The following SLC22A17 variants were observed in gnomAD, a reference collection of about 807,000 sequenced individuals.
SLC22A17 encodes the protein 24p3 receptor.
In SLC22A17, 38 loss-of-function variants were observed where a neutral mutation model predicts 53.6. The observed-to-expected ratio is 0.71, with a 90% CI of 0.55 to 0.93. The LOEUF is 0.93. Among genes scored for constraint, SLC22A17 ranks in the 40% least tolerant of loss-of-function variants. The pLI is 0.00. For missense variants in SLC22A17, 704 were observed against 791.0 expected (o/e 0.89, Z 1.32); for synonymous variants, 379 against 353.0 (o/e 1.07, Z -0.82).
Position 23,348,594 on chromosome 14 carries a change from G to C in SLC22A17, c.937C>G (p.Leu313Val), listed in dbSNP as rs1295049070. 2 of 1,614,132 alleles carry C rather than the reference G, an allele frequency of 1.2e-6. No individual in the cohort carries two copies. Among genetic ancestry groups the C allele is most frequent in the Non-Finnish European group, 8.5e-7 (1 of 1,180,002 alleles). The change falls in exon 5 of 10, where the codon CTG becomes GTG. Residue 313 changes from leucine (L) to valine (V), a missense_variant. By Grantham distance (32) the Leu-to-Val change is conservative. Around this residue, in one of 4 missense-constraint regions of SLC22A17, gnomAD observed 435 missense variants for 529.0 expected, o/e 0.82. Coordinates refer to ENST00000397267, the Ensembl canonical transcript of SLC22A17. This position sits in a 1 kb window ranked among gnomAD's most constrained non-coding sequence, Gnocchi z 4.5. ...GAGACAAGGGCCAGGCCCAGGAACA[G>C]GAAGTGCCCTCCCACCCCCACCAAC...
intron 3 of SLC22A17, among the ~76,000 whole-genome samples, chr14:23,350,385 T>C (rs1214540020): frequency 1.3e-5 from 2 of 152,118 alleles, no homozygotes; most frequent in Non-Finnish European, 2.9e-5. Context: ...ATCCATAAGG[T>C]AGGACTATTG....
chr14:23,352,628 TG>T lies in SLC22A17; in HGVS notation c.96+17del. On this transcript the variant is annotated intron_variant, in intron 1 of 9. Transcript: ENST00000397267. This position sits in a 1 kb window ranked among gnomAD's most constrained non-coding sequence, Gnocchi z 7.2. ...GCTGGGAGAGGATGGCGTCGCCACC[TG>T]GGGCTCGGGCACTTACTCCGTTGGA... The T allele has an allele frequency of 2.4e-6, 1 of 410,808 alleles. No homozygotes were observed. Among genetic ancestry groups the T allele is most frequent in the Non-Finnish European group, 4.3e-6 (1 of 234,904 alleles). The allele number at this position is 410,808 out of a possible 1,614,324, so 25.4% of individuals were successfully genotyped here.
chr14:23,348,589 G>C lies in SLC22A17; in HGVS notation c.942C>G (p.Phe314Leu). Residue 314 changes from phenylalanine (F) to leucine (L), a missense_variant, in exon 5 of 10, where the codon TTC becomes TTG. Phe to Leu is a conservative substitution (Grantham distance 22). This residue lies in a region of SLC22A17 where 435 missense variants were observed against 529.0 expected (regional missense o/e 0.82). Transcript: ENST00000397267. This position sits in a 1 kb window ranked among gnomAD's most constrained non-coding sequence, Gnocchi z 4.5. Reference sequence around the variant, plus strand: ...CCTTAGAGACAAGGGCCAGGCCCAGGAACAGGAAGTGCCCTCCCACCCCCA... The same window carrying C: ...CCTTAGAGACAAGGGCCAGGCCCAGCAACAGGAAGTGCCCTCCCACCCCCA... 6.2e-7 allele frequency: 1 copy of C among 1,614,140 alleles called. No homozygotes were observed. Among genetic ancestry groups the C allele is most frequent in the Non-Finnish European group, 8.5e-7 (1 of 1,180,008 alleles).
chr14:23,351,499 G>A (rs1358215701), intron 3 of SLC22A17: 2 of 448,166 alleles, frequency 4.5e-6, no homozygotes, highest in East Asian at 4.0e-5. Context: ...CACGGATAGG[G>A]GGCCACTAAT....
intron 3 of SLC22A17, 83 bp downstream of exon 3, chr14:23,351,669 C>T: frequency 8.4e-7 from 1 of 1,188,172 alleles, no homozygotes; most frequent in South Asian, 1.3e-5. Flanking sequence ...TCGTCTTCGA[C>T]CTCCTGTAAA....
rs765436463 is a variant in SLC22A17 at position 23,348,316 on chromosome 14, G to A, written c.1026-10C>T. The A allele has an allele frequency of 1.2e-6, 2 of 1,613,206 alleles. No individual in the cohort carries two copies. Among genetic ancestry groups the A allele is most frequent in the African/African-American group, 2.7e-5 (2 of 74,894 alleles). On this transcript the variant is annotated splice_polypyrimidine_tract_variant and intron_variant, in intron 5 of 9. Coordinates refer to ENST00000397267, the Ensembl canonical transcript of SLC22A17. This position sits in a 1 kb window ranked among gnomAD's most constrained non-coding sequence, Gnocchi z 4.5. Reference sequence around the variant, plus strand: ...GAACAAACCAGGCCAGCTGGGGGCAGGGGGGAAGGGGTATACTGTGAGGCC... The same window carrying A: ...GAACAAACCAGGCCAGCTGGGGGCAAGGGGGAAGGGGTATACTGTGAGGCC...
Position 23,348,104 on chromosome 14 carries a change from G to A in SLC22A17, c.1171+57C>T. On this transcript the variant is annotated intron_variant, in intron 6 of 9. Transcript: ENST00000397267. This position sits in a 1 kb window ranked among gnomAD's most constrained non-coding sequence, Gnocchi z 4.5. ...AAGGTGGCACAGCTACAGCCATGCA[G>A]AGGGCACCATCATGTGTGCAAGTGA... The A allele has an allele frequency of 6.2e-7, 1 of 1,610,796 alleles. No individual in the cohort carries two copies. The highest frequency in any genetic ancestry group is 8.5e-7 in the Non-Finnish European group (1 of 1,177,640).
exon 10 of SLC22A17, chr14:23,346,499 G>A (rs1889182702): frequency 2.0e-6 from 2 of 988,876 alleles, no homozygotes; most frequent in African/African-American, 1.6e-5. Flanking sequence ...AGGAGGCAGG[G>A]TGGGGACGGC....
chr14:23,347,321 C>T lies in SLC22A17; in HGVS notation c.1550-109G>A. Reference sequence around the variant, plus strand: ...GTTCCCATGGCTCTAGCTGGGCAGGCTCTGGGCATTCAGTAATTGACTGGG... The same window carrying T: ...GTTCCCATGGCTCTAGCTGGGCAGGTTCTGGGCATTCAGTAATTGACTGGG... On this transcript the variant is annotated intron_variant, in intron 8 of 9. Coordinates refer to ENST00000397267, the Ensembl canonical transcript of SLC22A17. This position sits in a 1 kb window ranked among gnomAD's most constrained non-coding sequence, Gnocchi z 5.1. 10 of 1,473,538 alleles carry T rather than the reference C, an allele frequency of 6.8e-6. No individual in the cohort carries two copies. Among genetic ancestry groups the T allele is most frequent in the Non-Finnish European group, 9.2e-6 (10 of 1,089,250 alleles). The allele number at this position is 1,473,538 out of a possible 1,614,324, so 91.3% of individuals were successfully genotyped here.
In SLC22A17 at chr14:23,352,380, C is replaced by T; in HGVS notation, c.168G>A (p.Gly56=). The T allele has an allele frequency of 2.8e-6, 2 of 711,868 alleles. No individual in the cohort carries two copies. The highest frequency in any genetic ancestry group is 3.4e-5 in the East Asian group (1 of 29,794). The allele number at this position is 711,868 out of a possible 1,614,324, so 44.1% of individuals were successfully genotyped here. ...GTCCGTCGCCGCCCGCGTCTCCCTC[C>T]CCCTCCCGCTCGCGCTCCCGCTCAC... The change falls in exon 2 of 10, where the codon GGG becomes GGA. Residue 56 remains glycine (G), a synonymous_variant. Transcript: ENST00000397267. The surrounding 1 kb of genome is among the most constrained non-coding windows in gnomAD (Gnocchi z 7.2).
chr14:23,349,546 G>A, intron 3 of SLC22A17, 120 bp from the exon 4 acceptor site: 1 of 1,217,766 alleles, frequency 8.2e-7, no homozygotes, highest in South Asian at 1.6e-5. Flanking sequence ...GGGAGCAAGA[G>A]TTGGACAGAG....
rs762308908 is a variant in SLC22A17, at chr14:23,347,885, G to C, written c.1277+6C>G. 6.2e-7 allele frequency: 1 copy of C among 1,614,046 alleles called. No individual in the cohort carries two copies. Among genetic ancestry groups the C allele is most frequent in the Non-Finnish European group, 8.5e-7 (1 of 1,179,920 alleles). ...CCTGGCCCTCAGCCCAGACACCCAG[G>C]CTCACTTGGTGAAGCCCAGGATAAG... is the stretch of plus-strand genomic sequence containing the variant. On this transcript the variant is annotated splice_donor_region_variant and intron_variant, in intron 7 of 9. Transcript: ENST00000397267. The surrounding 1 kb of genome is among the most constrained non-coding windows in gnomAD (Gnocchi z 5.1).
At position 23,352,673 on chromosome 14, in the gene SLC22A17, A is replaced by G; in HGVS notation, c.69T>C (p.Thr23=). 1 of 397,452 alleles carries G rather than the reference A, an allele frequency of 2.5e-6. No individual in the cohort carries two copies. The highest frequency in any genetic ancestry group is 4.4e-6 in the Non-Finnish European group (1 of 225,806). 24.6% of individuals were successfully genotyped at this position (397,452 alleles called of 1,614,324 possible). Reference sequence around the variant, plus strand: ...CGTTGGAGGTGGGGGTGATCTCTACAGTGTTGTCGATTTTGCCGCCGCCCC... The same window carrying G: ...CGTTGGAGGTGGGGGTGATCTCTACGGTGTTGTCGATTTTGCCGCCGCCCC... Residue 23 remains threonine, a synonymous_variant, in exon 1 of 10, where the codon ACT becomes ACC. Coordinates refer to ENST00000397267, the Ensembl canonical transcript of SLC22A17. This position sits in a 1 kb window ranked among gnomAD's most constrained non-coding sequence, Gnocchi z 7.2.
chr14:23,352,295 C>A lies in SLC22A17; in HGVS notation c.253G>T (p.Ala85Ser). ...CCGCCGCCCAGCGCCCCCACCTGGG[C>A]GAGCAGCGCCTCAAAGCTGAGGGGG... The change falls in exon 2 of 10, where the codon GCC (alanine) becomes TCC (serine). Residue 85 changes from alanine to serine, a missense_variant. Ala to Ser is a moderately conservative substitution (Grantham distance 99). This residue lies in a region of SLC22A17 where 31 missense variants were observed against 62.3 expected (regional missense o/e 0.50). Coordinates refer to ENST00000397267, the Ensembl canonical transcript of SLC22A17. This position sits in a 1 kb window ranked among gnomAD's most constrained non-coding sequence, Gnocchi z 7.2. 5.0e-6 allele frequency: 7 copies of A among 1,397,180 alleles called. No individual in the cohort carries two copies. The highest frequency in any genetic ancestry group is 6.5e-6 in the Non-Finnish European group (7 of 1,076,134). The allele number at this position is 1,397,180 out of a possible 1,614,324, so 86.5% of individuals were successfully genotyped here.
exon 10 of SLC22A17, chr14:23,346,596 C>T: frequency 7.0e-7 from 1 of 1,434,962 alleles, no homozygotes; most frequent in Non-Finnish European, 9.1e-7. Context: ...TCCCGATCTT[C>T]TTGCCACCTT....
At chr14:23,349,658 CTT>C (rs1889500088) in intron 3 of SLC22A17, 2 of 579,438 alleles carry the variant, frequency 3.5e-6, no homozygotes, top group African/African-American at 1.9e-5. Flanking sequence ...AACATTGACT[CTT>C]GGGCTATTGG....
Position 23,347,066 on chromosome 14 carries a change from C to A in SLC22A17, c.1661+35G>T. On this transcript the variant is annotated intron_variant, in intron 9 of 9. Coordinates refer to ENST00000397267, the Ensembl canonical transcript of SLC22A17. The surrounding 1 kb of genome is among the most constrained non-coding windows in gnomAD (Gnocchi z 5.1). ...GGTGGGGGAGCGGGAGGCGAGGGGG[C>A]CCGGCTCTGCCCCTGGGGGCACCCC... 6.3e-7 allele frequency: 1 copy of A among 1,579,928 alleles called. No individual in the cohort carries two copies. Among genetic ancestry groups the A allele is most frequent in the Non-Finnish European group, 8.6e-7 (1 of 1,162,398 alleles).
chr14:23,349,386 C>A (rs908340109), exon 4 of SLC22A17: 2 of 1,613,766 alleles, frequency 1.2e-6, no homozygotes, highest in African/African-American at 2.7e-5. Flanking sequence ...CAGGGGCCCA[C>A]CAGCCCCAAG....
chr14:23,346,663 G>A, exon 10 of SLC22A17: 2 of 1,507,402 alleles, frequency 1.3e-6, no homozygotes, highest in Non-Finnish European at 8.9e-7. Context: ...GGGCAGGGTT[G>A]GGGGTGGCAA....
Sources: allele counts gnomAD v4.1 joint callset (sites outside exome capture counted in the v4.1 genomes callset), GRCh38; gene constraint gnomAD v4.1.1; regional missense constraint gnomAD v4.1.1; non-coding constraint Gnocchi (gnomAD v3.1); transcripts MANE v1.5; gene names NCBI Gene and HGNC (gene_info 2026-07-23, HGNC 2026-07-21).